The following CNTN6 variants were observed in gnomAD, a reference collection of about 807,000 sequenced individuals.
CNTN6 encodes the protein contactin-6.
In CNTN6, 137 loss-of-function variants were observed where a neutral mutation model predicts 122.8. That is an observed-to-expected ratio of 1.12 (90% CI 0.97 to 1.29). The LOEUF (loss-of-function observed/expected upper bound fraction) is 1.29. Among genes scored for constraint, CNTN6 ranks in the 50% most tolerant of loss-of-function variants. The pLI is 0.00. For missense variants in CNTN6, 1,634 were observed against 1,223.4 expected (o/e 1.34, Z -5.01); for synonymous variants, 570 against 426.0 (o/e 1.34, Z -4.16).
At position 1,115,531 on chromosome 3, in the gene CNTN6, C is replaced by G. The variant is rs142328168; in HGVS notation, c.-83+22411C>G. The stretch of plus-strand genomic sequence containing the variant: ...TTGGGAGGCCAAGGCAAGCGGATCA[C>G]AAGGTCAGGAATTTGAGACCAGCCT... On this transcript the variant is annotated intron_variant, in intron 1 of 22. Transcript: ENST00000446702. Among the ~76,000 whole-genome samples the G allele has an allele frequency of 9.7e-3, 1,474 of 152,186 alleles. 31 individuals are homozygous for G. The highest frequency in any genetic ancestry group is 0.033 in the African/African-American group (1,380 of 41,524).
At chr3:1,232,976 G>A (rs185766976) in intron 4 of CNTN6, among the ~76,000 whole-genome samples, 1 of 152,228 alleles carries the variant, frequency 6.6e-6, no homozygotes, top group Admixed American at 6.5e-5. Context: ...TGGGGAGGTG[G>A]GCAAAAGACC....
chr3:1,232,369 C>A (rs2094363248), intron 4 of CNTN6, among the ~76,000 whole-genome samples: 1 of 152,158 alleles, frequency 6.6e-6, no homozygotes, highest in African/African-American at 2.4e-5. Flanking sequence ...TCAAGTACTA[C>A]ACTAGGTCCT....
chr3:1,343,209 A>G lies in CNTN6; in HGVS notation c.1365-9115A>G, dbSNP rs190175283. Among the ~76,000 whole-genome samples the G allele has an allele frequency of 3.3e-5, 5 of 152,320 alleles. No homozygotes were observed. In the East Asian group the frequency reaches 5.8e-4, roughly 18 times the overall value. The stretch of plus-strand genomic sequence containing the variant: ...TGCATATAACATACAAAACTTGTTC[A>G]TGGACTGTTTATGTTATCAGTAAGG... On this transcript the variant is annotated intron_variant, in intron 11 of 22. Coordinates refer to ENST00000446702, the MANE Select transcript of CNTN6 (RefSeq NM_001289080.2).
At chr3:1,099,319 C>CG (rs377744288) in intron 1 of CNTN6, among the ~76,000 whole-genome samples, 2 of 151,822 alleles carry the variant, frequency 1.3e-5, no homozygotes, top group Admixed American at 1.3e-4. Context: ...GGTGTGGTGG[C>CG]GGGCGCCTGT....
In CNTN6 at chr3:1,245,242, A is replaced by ATATATATATAT. The variant is rs1559596163; in HGVS notation, c.358+17249_358+17250insTATATATATAT. On this transcript the variant is annotated intron_variant, in intron 4 of 22. Transcript: ENST00000446702. ...TATATATATATATATATATACACAC[A>ATATATATATAT]CACATATATATATAACATATATATA... 1.4e-3 allele frequency among the ~76,000 whole-genome samples: 20 copies of ATATATATATAT among 13,956 alleles called. 1 individual carries two copies. The highest frequency in any genetic ancestry group is 7.8e-3 in the African/African-American group (14 of 1,794). The allele number at this position is 13,956 out of a possible 152,430, so 9.2% of individuals were successfully genotyped here. A position where few individuals can be genotyped will look rare whatever the true frequency, so the allele number is the denominator to read the frequency against.
intron 5 of CNTN6, among the ~76,000 whole-genome samples, chr3:1,290,554 G>C (rs996754689): frequency 2.0e-5 from 3 of 152,112 alleles, no homozygotes; most frequent in African/African-American, 7.2e-5. Context: ...TCCATGAGAG[G>C]GTTCTTGGAT....
intron 5 of CNTN6, among the ~76,000 whole-genome samples, chr3:1,293,229 C>G (rs1257588567): frequency 6.6e-6 from 1 of 152,000 alleles, no homozygotes; most frequent in Non-Finnish European, 1.5e-5. Flanking sequence ...CCTTCTTTCT[C>G]TTTCCTTCCT....
chr3:1,225,847 A>T (rs751231665), intron 3 of CNTN6, among the ~76,000 whole-genome samples: 3 of 152,188 alleles, frequency 2.0e-5, no homozygotes, highest in African/African-American at 7.2e-5. Context: ...TGTGCAGGAA[A>T]TGGCTAAATA....
intron 4 of CNTN6, among the ~76,000 whole-genome samples, chr3:1,262,818 A>G (rs1020157718): frequency 6.6e-6 from 1 of 152,118 alleles, no homozygotes; most frequent in South Asian, 2.1e-4. Context: ...ATAAATATTT[A>G]CTGTACAATA....
At chr3:1,149,828 A>G (rs912934208) in intron 2 of CNTN6, among the ~76,000 whole-genome samples, 1 of 152,178 alleles carries the variant, frequency 6.6e-6, no homozygotes, top group Non-Finnish European at 1.5e-5. Flanking sequence ...TGCCCTTTAA[A>G]TATGTATATT....
At chr3:1,392,288 A>G (rs1001447251) in intron 20 of CNTN6, among the ~76,000 whole-genome samples, 3 of 152,164 alleles carry the variant, frequency 2.0e-5, no homozygotes, top group African/African-American at 7.2e-5. Context: ...CAAACCTGAG[A>G]AAAACAAGCA....
At chr3:1,348,157 C>CAAAAAAAAAAAAAAAAAAAAAAAAAAAAA (rs532282828) in intron 11 of CNTN6, among the ~76,000 whole-genome samples, 1 of 64,300 alleles carries the variant, frequency 1.6e-5, no homozygotes. Flanking sequence ...ATGCTATAGA[C>CAAAAAAAAAAAAAAAAAAAAAAAAAAAAA]AAAAAAAAAA....
At chr3:1,133,815 T>C (rs2092400770) in intron 1 of CNTN6, among the ~76,000 whole-genome samples, 2 of 152,108 alleles carry the variant, frequency 1.3e-5, no homozygotes, top group South Asian at 4.1e-4. Flanking sequence ...TAGGGAAACA[T>C]GTGTTCTCAT....
intron 8 of CNTN6, among the ~76,000 whole-genome samples, chr3:1,324,710 T>C (rs1379483319): frequency 1.3e-5 from 2 of 149,464 alleles, no homozygotes; most frequent in Non-Finnish European, 2.9e-5. Flanking sequence ...TGACTTTTTT[T>C]TCCTTCCCGG....
At chr3:1,335,922 G>C (rs778422051) in intron 11 of CNTN6, among the ~76,000 whole-genome samples, 2 of 152,086 alleles carry the variant, frequency 1.3e-5, no homozygotes, top group African/African-American at 4.8e-5. Context: ...TGTGGTGCCA[G>C]CTAATGGATG....
At chr3:1,284,152 G>C (rs549419685) in intron 5 of CNTN6, among the ~76,000 whole-genome samples, 47 of 152,174 alleles carry the variant, frequency 3.1e-4, no homozygotes, top group Non-Finnish European at 1.8e-4. Context: ...CAAAAGTTTG[G>C]ATCATCTGTG....
At chr3:1,364,243 A>G (rs1476213708) in intron 12 of CNTN6, among the ~76,000 whole-genome samples, 1 of 151,992 alleles carries the variant, frequency 6.6e-6, no homozygotes, top group African/African-American at 2.4e-5. Context: ...CAAGTTAACT[A>G]GCAAGAGAAA....
At chr3:1,372,224 T>C (rs1709115737) in intron 12 of CNTN6, 75 bp from the exon 13 acceptor site, 1 of 1,125,188 alleles carries the variant, frequency 8.9e-7, no homozygotes, top group African/African-American at 1.6e-5. Flanking sequence ...AATGATAAAG[T>C]ATTCAGAAAT....
chr3:1,137,902 C>T (rs1242342903), intron 1 of CNTN6, among the ~76,000 whole-genome samples: 2 of 152,138 alleles, frequency 1.3e-5, no homozygotes, highest in Non-Finnish European at 2.9e-5. Flanking sequence ...ATTTGCTGCC[C>T]TGAAATGTCC....
Sources: gnomAD v4.1 joint callset for allele counts (sites outside exome capture counted in the v4.1 genomes callset) on GRCh38, gnomAD v4.1.1 for gene constraint, MANE v1.5 for transcripts, NCBI Gene and HGNC (gene_info 2026-07-23, HGNC 2026-07-21) for gene names.